The following CAMK4 variants were observed in gnomAD, a reference collection of about 807,000 sequenced individuals.
CAMK4 encodes calcium/calmodulin dependent protein kinase IV, also known as calcium/calmodulin-dependent protein kinase type IV.
CAMK4 carries 22 observed loss-of-function variants against 44.9 expected under a neutral mutation model. That is an observed-to-expected ratio of 0.49 (90% CI 0.35 to 0.70). The LOEUF (loss-of-function observed/expected upper bound fraction) is 0.70. CAMK4 is among the 30% of genes least tolerant of loss of function. The probability of loss-of-function intolerance (pLI) is 0.01; values close to 1 mark genes in which losing one functional copy is unlikely to be tolerated. For missense variants in CAMK4, 498 were observed against 586.8 expected (o/e 0.85, Z 1.56); for synonymous variants, 218 against 215.4 (o/e 1.01, Z -0.11).
chr5:111,244,017 T>C (rs1749125056), intron 1 of CAMK4, among the ~76,000 whole-genome samples: 1 of 152,206 alleles, frequency 6.6e-6, no homozygotes, highest in Non-Finnish European at 1.5e-5. Context: ...GTCACCTGTC[T>C]TTTCCAGCCC....
chr5:111,420,587 G>A (rs1010424256), intron 5 of CAMK4, among the ~76,000 whole-genome samples: 8 of 152,038 alleles, frequency 5.3e-5, no homozygotes, highest in Admixed American at 1.3e-4. Flanking sequence ...GCCTGGGAGC[G>A]CTATGGGAGA....
intron 7 of CAMK4, among the ~76,000 whole-genome samples, chr5:111,464,506 A>G (rs1220754873): frequency 6.6e-6 from 1 of 152,220 alleles, no homozygotes; most frequent in Non-Finnish European, 1.5e-5. Flanking sequence ...AATTTATTGC[A>G]TAAAGATCAA....
intron 1 of CAMK4, among the ~76,000 whole-genome samples, chr5:111,342,131 A>G (rs536552272): frequency 1.3e-5 from 2 of 151,410 alleles, no homozygotes; most frequent in East Asian, 1.9e-4. Flanking sequence ...GTCACTTAGT[A>G]TAATTTAGTT....
intron 1 of CAMK4, among the ~76,000 whole-genome samples, chr5:111,314,042 G>T (rs1287440761): frequency 6.6e-6 from 1 of 151,936 alleles, no homozygotes; most frequent in Admixed American, 6.6e-5. Context: ...GGACAATTTT[G>T]TTTTTCTGTA....
At chr5:111,362,599 G>T (rs1750636847) in intron 2 of CAMK4, among the ~76,000 whole-genome samples, 1 of 151,988 alleles carries the variant, frequency 6.6e-6, no homozygotes. Context: ...TTTTAAATGT[G>T]ACTATGATAC....
chr5:111,344,133 T>G, intron 2 of CAMK4, 31 bp downstream of exon 2: 36 of 1,300,342 alleles, frequency 2.8e-5, no homozygotes, highest in Non-Finnish European at 3.7e-5. Flanking sequence ...ATGGCATCTC[T>G]AAGGGGCCTG....
chr5:111,402,482 T>C (rs1296788934), intron 5 of CAMK4, among the ~76,000 whole-genome samples: 2 of 152,262 alleles, frequency 1.3e-5, no homozygotes, highest in Non-Finnish European at 2.9e-5. Flanking sequence ...CTGAGTGTTA[T>C]GCTTAATGAT....
intron 1 of CAMK4, among the ~76,000 whole-genome samples, chr5:111,272,274 T>TA (rs1382215345): frequency 6.6e-6 from 1 of 152,200 alleles, no homozygotes; most frequent in African/African-American, 2.4e-5. Flanking sequence ...TTGTGTCTTT[T>TA]ACAAGTATTT....
At chr5:111,262,568 A>G (rs1434676673) in intron 1 of CAMK4, among the ~76,000 whole-genome samples, 1 of 152,222 alleles carries the variant, frequency 6.6e-6, no homozygotes, top group Admixed American at 6.5e-5. Flanking sequence ...AAGCCTGTCT[A>G]AAGTTGAATC....
intron 1 of CAMK4, among the ~76,000 whole-genome samples, chr5:111,225,019 C>T (rs1455586249): frequency 1.3e-5 from 2 of 152,110 alleles, no homozygotes; most frequent in Admixed American, 6.5e-5. Flanking sequence ...AGGGTGGGGG[C>T]CGGAGGGTGC....
chr5:111,423,928 A>C (rs1267248035), intron 5 of CAMK4, among the ~76,000 whole-genome samples: 1 of 152,244 alleles, frequency 6.6e-6, no homozygotes, highest in African/African-American at 2.4e-5. Flanking sequence ...TATCAGGCTC[A>C]TTATACAGAT....
At position 111,274,740 on chromosome 5, in the gene CAMK4, A is replaced by G. The variant is rs550574229; in HGVS notation, c.161+50096A>G. ...TTCCTTACATCCTTGCTAACATTACATGTGAAATAACTTTTTTAATGTGAG... is the reference window on the plus strand; with the variant it reads ...TTCCTTACATCCTTGCTAACATTACGTGTGAAATAACTTTTTTAATGTGAG... On this transcript the variant is annotated intron_variant, in intron 1 of 10. Transcript: ENST00000282356. 3.3e-5 allele frequency among the ~76,000 whole-genome samples: 5 copies of G among 152,284 alleles called. No homozygotes were observed. In the East Asian group the frequency reaches 9.6e-4, roughly 29 times the overall value.
chr5:111,408,674 C>T (rs1055585046), intron 5 of CAMK4, among the ~76,000 whole-genome samples: 1 of 152,158 alleles, frequency 6.6e-6, no homozygotes, highest in African/African-American at 2.4e-5. Flanking sequence ...AGTCCACAGT[C>T]CAAAGTCTCA....
At chr5:111,238,049 C>T (rs1014444210) in intron 1 of CAMK4, among the ~76,000 whole-genome samples, 3 of 151,942 alleles carry the variant, frequency 2.0e-5, no homozygotes. Context: ...GCCAGGGGAG[C>T]GTGGTGAAAG....
chr5:111,467,373 CAAAAAAA>C (rs34201915), intron 7 of CAMK4, among the ~76,000 whole-genome samples: 15 of 49,504 alleles, frequency 3.0e-4, no homozygotes, highest in African/African-American at 5.5e-4. Context: ...TTCTGCATAG[CAAAAAAA>C]AAAAAAAAAA....
At chr5:111,461,099 G>A (rs1580784237) in intron 7 of CAMK4, among the ~76,000 whole-genome samples, 1 of 152,286 alleles carries the variant, frequency 6.6e-6, no homozygotes, top group Non-Finnish European at 1.5e-5. Context: ...CAAGAGCCCT[G>A]GAGGAAGGAA....
chr5:111,434,379 G>C (rs1254178970), intron 5 of CAMK4, among the ~76,000 whole-genome samples: 2 of 152,108 alleles, frequency 1.3e-5, no homozygotes, highest in Non-Finnish European at 2.9e-5. Flanking sequence ...AAATAGATAT[G>C]AGACATATTT....
intron 2 of CAMK4, among the ~76,000 whole-genome samples, chr5:111,361,092 A>G (rs951807263): frequency 2.0e-5 from 3 of 152,076 alleles, no homozygotes; most frequent in African/African-American, 7.2e-5. Context: ...AAAGGTCTGA[A>G]TTGTCCTTGA....
intron 4 of CAMK4, among the ~76,000 whole-genome samples, chr5:111,377,592 C>G (rs1456227915): frequency 2.0e-5 from 3 of 152,050 alleles, no homozygotes; most frequent in Non-Finnish European, 4.4e-5. Flanking sequence ...GACACACAAA[C>G]TTTATGTTTC....
Sources: gnomAD v4.1 joint callset for allele counts (sites outside exome capture counted in the v4.1 genomes callset) on GRCh38, gnomAD v4.1.1 for gene constraint, MANE v1.5 for transcripts, NCBI Gene and HGNC (gene_info 2026-07-23, HGNC 2026-07-21) for gene names.